Variants in RGS3 observed in about 807,000 individuals in gnomAD.
The protein encoded by RGS3 is regulator of G-protein signalling 3.
RGS3 carries 80 observed loss-of-function variants against 132.6 expected under a neutral mutation model. The ratio of observed to expected loss-of-function variants is 0.60; its 90% CI spans 0.50 to 0.73. The LOEUF is 0.73. Ranked by LOEUF, RGS3 falls within the 30% of genes least tolerant of loss-of-function variation. RGS3 has a pLI of 0.00. For synonymous variants in RGS3, 598 were observed against 620.6 expected, an observed-to-expected ratio of 0.96 and a Z score of 0.54; for missense variants, 1,382 against 1,530.8, an observed-to-expected ratio of 0.90 and a Z score of 1.62.
intron 19 of RGS3, chr9:113,570,262 A>G (rs1225180813): frequency 6.6e-6 from 1 of 152,228 alleles, no homozygotes; most frequent in East Asian, 1.9e-4. Flanking sequence ...GGTGGCTGTT[A>G]TTAAATGCAG....
chr9:113,495,870 C>T (rs1318142161), intron 8 of RGS3, 24 bp downstream of exon 6: 2 of 1,602,282 alleles, frequency 1.2e-6, no homozygotes, highest in Admixed American at 1.7e-5. Flanking sequence ...ATGCTTCTGT[C>T]AGGATCATCC....
intron 19 of RGS3, among the ~76,000 whole-genome samples, chr9:113,567,583 C>A (rs1834069698): frequency 6.6e-6 from 1 of 152,226 alleles, no homozygotes; most frequent in Admixed American, 6.5e-5. Context: ...GTCAAAGTTG[C>A]ATCCATAGGG....
intron 15 of RGS3, among the ~76,000 whole-genome samples, chr9:113,517,092 G>T (rs1831709400): frequency 6.6e-6 from 1 of 152,174 alleles, no homozygotes; most frequent in African/African-American, 2.4e-5. Flanking sequence ...GCAGGGACTG[G>T]CCTGGCTTTG....
intron 1 of RGS3, among the ~76,000 whole-genome samples, chr9:113,449,319 G>A (rs1829187897): frequency 6.6e-6 from 1 of 152,082 alleles, no homozygotes; most frequent in South Asian, 2.1e-4. Context: ...GAAGAGTGAG[G>A]GAAAGGGAGG....
chr9:113,489,126 G>A (rs1239357455), intron 7 of RGS3, among the ~76,000 whole-genome samples: 1 of 152,176 alleles, frequency 6.6e-6, no homozygotes, highest in Non-Finnish European at 1.5e-5. Context: ...CAGAGAAGAG[G>A]AAACTGAGGC....
chr9:113,460,295 CAG>C lies in RGS3; in HGVS notation c.41_42del (p.Arg14IlefsTer12). The C allele has an allele frequency of 1.8e-6, 1 of 546,198 alleles. No individual in the cohort carries two copies. Among genetic ancestry groups the C allele is most frequent in the Non-Finnish European group, 2.8e-6 (1 of 358,206 alleles). The allele number at this position is 546,198 out of a possible 1,614,324, so 33.8% of individuals were successfully genotyped here. On this transcript the variant is annotated frameshift_variant, in exon 1 of 25. Coordinates refer to ENST00000350696, the Ensembl canonical transcript of RGS3. LOFTEE classifies it high-confidence loss of function. Reference sequence around the variant, plus strand: ...CAGCACTTTGGGAGGTTGAGATGGGCAGATCGCAAGGTCAGGAGATCGAGACC... The same window carrying C: ...CAGCACTTTGGGAGGTTGAGATGGGCATCGCAAGGTCAGGAGATCGAGACC...
At chr9:113,518,278 G>A (rs1831774919) in intron 16 of RGS3, among the ~76,000 whole-genome samples, 1 of 152,246 alleles carries the variant, frequency 6.6e-6, no homozygotes, top group African/African-American at 2.4e-5. Flanking sequence ...GCCATGGGGT[G>A]AGGGTAGCAG....
intron 1 of RGS3, among the ~76,000 whole-genome samples, chr9:113,448,207 G>A (rs1242396011): frequency 6.6e-6 from 1 of 152,002 alleles, no homozygotes; most frequent in Non-Finnish European, 1.5e-5. Context: ...TTTCCACCAT[G>A]TGAATATCAT....
intron 7 of RGS3, among the ~76,000 whole-genome samples, chr9:113,495,435 T>A (rs1391850901): frequency 6.6e-6 from 1 of 152,314 alleles, no homozygotes; most frequent in Admixed American, 6.5e-5. Context: ...ACCAATGATG[T>A]GGGCAAGGAG....
chr9:113,597,012 G>A lies in RGS3; in HGVS notation c.*59G>A, dbSNP rs900629526. 93 of 1,448,990 alleles carry A rather than the reference G, an allele frequency of 6.4e-5. 1 individual carries two copies. In the Admixed American group the frequency reaches 1.2e-3, roughly 18 times the overall value. The allele number at this position is 1,448,990 out of a possible 1,614,324, so 89.8% of individuals were successfully genotyped here. ...GGCGGGCTGGGTCCCCTGCCCACCT[G>A]CCTCCCTGCCCCCTGTGACGGAGGG... On this transcript the variant is annotated 3_prime_UTR_variant, in exon 25 of 25. Coordinates refer to ENST00000350696, the Ensembl canonical transcript of RGS3.
chr9:113,547,580 C>A (rs542799576), intron 19 of RGS3, among the ~76,000 whole-genome samples: 47 of 152,164 alleles, frequency 3.1e-4, no homozygotes, highest in Non-Finnish European at 5.3e-4. Flanking sequence ...TGGTGTTTTC[C>A]ATTAAAAGCA....
At chr9:113,464,243 T>G (rs1249228338) in intron 3 of RGS3, among the ~76,000 whole-genome samples, 1 of 152,230 alleles carries the variant, frequency 6.6e-6, no homozygotes, top group Non-Finnish European at 1.5e-5. Flanking sequence ...CAACTGGAGA[T>G]CTCATTCACC....
intron 1 of RGS3, among the ~76,000 whole-genome samples, chr9:113,451,947 T>A (rs1300980509): frequency 6.6e-6 from 1 of 152,168 alleles, no homozygotes. Flanking sequence ...ACCTTCATTT[T>A]TGGAAGATAT....
In RGS3 at chr9:113,529,111, A is replaced by G. The variant is rs1588207016; in HGVS notation, c.1871-110A>G. On this transcript the variant is annotated intron_variant, in intron 17 of 24. Transcript: ENST00000350696. ...CCCATGCCTGCCTCTCTCTTTTCCCAGGAGGTGCCACACACAGCCTTCTGG... is the reference window on the plus strand; with the variant it reads ...CCCATGCCTGCCTCTCTCTTTTCCCGGGAGGTGCCACACACAGCCTTCTGG... 4.8e-6 allele frequency: 4 copies of G among 829,758 alleles called. No homozygotes were observed. In the East Asian group the frequency reaches 7.3e-5, roughly 15 times the overall value. The allele number at this position is 829,758 out of a possible 1,614,324, so 51.4% of individuals were successfully genotyped here.
At chr9:113,532,696 G>A (rs920674256) in intron 18 of RGS3, among the ~76,000 whole-genome samples, 1 of 152,196 alleles carries the variant, frequency 6.6e-6, no homozygotes, top group Admixed American at 6.5e-5. Flanking sequence ...GGTATCACTG[G>A]TAAGGGGCTT....
intron 20 of RGS3, among the ~76,000 whole-genome samples, chr9:113,586,362 C>A (rs917696012): frequency 6.6e-6 from 1 of 152,242 alleles, no homozygotes; most frequent in African/African-American, 2.4e-5. Context: ...TAAATTCACA[C>A]ACATTCATAT....
At position 113,565,913 on chromosome 9, in the gene RGS3, G is replaced by GTCTGTCTGTC. The variant is rs1554779122; in HGVS notation, c.2038-17536_2038-17535insCTGTCTGTCT. Among the ~76,000 whole-genome samples, 4 of 144,416 alleles carry GTCTGTCTGTC rather than the reference G, an allele frequency of 2.8e-5. No homozygotes were observed. Among genetic ancestry groups the GTCTGTCTGTC allele is most frequent in the African/African-American group, 1.0e-4 (4 of 38,450 alleles). The allele number at this position is 144,416 out of a possible 152,430, so 94.7% of individuals were successfully genotyped here. A position where few individuals can be genotyped will look rare whatever the true frequency, so the allele number is the denominator to read the frequency against. Reference sequence around the variant, plus strand: ...TGTGTGTGTGTGTGTGTGTGTGTGTGTGTCTGTCTGTCTGTCTGTCTCAGG... The same window carrying GTCTGTCTGTC: ...TGTGTGTGTGTGTGTGTGTGTGTGTGTCTGTCTGTCTGTCTGTCTGTCTGTCTGTCTCAGG... On this transcript the variant is annotated intron_variant, in intron 19 of 24. Transcript: ENST00000350696. This position sits in a 1 kb window ranked among gnomAD's most constrained non-coding sequence, Gnocchi z 5.7.
chr9:113,595,169 C>T (rs1835697654), intron 23 of RGS3, 189 bp downstream of exon 21: 2 of 612,250 alleles, frequency 3.3e-6, no homozygotes, highest in African/African-American at 1.8e-5. Context: ...CAGCTTCTGC[C>T]AGCCCCTCCC....
rs114663803 is a variant in RGS3, at chr9:113,559,101, C to T, written c.2037+22183C>T. Reference sequence around the variant, plus strand: ...TGGCTTGGGCTCAAGCCCAACAGTCCAAACAGTGGGTGGACCCAGGGGAGT... The same window carrying T: ...TGGCTTGGGCTCAAGCCCAACAGTCTAAACAGTGGGTGGACCCAGGGGAGT... On this transcript the variant is annotated intron_variant, in intron 19 of 24. Coordinates refer to ENST00000350696, the Ensembl canonical transcript of RGS3. Among the ~76,000 whole-genome samples, 340 of 152,368 alleles carry T rather than the reference C, an allele frequency of 2.2e-3. 1 individual carries two copies. Among genetic ancestry groups the T allele is most frequent in the African/African-American group, 7.5e-3 (310 of 41,590 alleles).
Sources: gnomAD v4.1 joint callset for allele counts (sites outside exome capture counted in the v4.1 genomes callset) on GRCh38, gnomAD v4.1.1 for gene constraint, Gnocchi (gnomAD v3.1) non-coding constraint, MANE v1.5 for transcripts, NCBI Gene and HGNC (gene_info 2026-07-23, HGNC 2026-07-21) for gene names.